The following VSNL1 variants were observed in gnomAD, a reference collection of about 807,000 sequenced individuals.
The protein encoded by VSNL1 is visinin-like protein 1.
In VSNL1, 6 loss-of-function variants were observed where a neutral mutation model predicts 20.4. The observed-to-expected ratio is 0.29, with a 90% CI of 0.16 to 0.58. The LOEUF is 0.58. VSNL1 is among the 20% of genes least tolerant of loss of function. The pLI is 0.90. For missense variants in VSNL1, 100 were observed against 234.5 expected (o/e 0.43, Z 3.75); for synonymous variants, 93 against 86.4 (o/e 1.08, Z -0.42).
intron 2 of VSNL1, among the ~76,000 whole-genome samples, chr2:17,624,190 G>C (rs1159665958): frequency 1.3e-5 from 2 of 152,196 alleles, no homozygotes; most frequent in African/African-American, 2.4e-5. Flanking sequence ...GTTGATTTTG[G>C]CTGATCAATT....
chr2:17,655,703 T>C lies in VSNL1; in HGVS notation c.*309T>C, dbSNP rs912005595. 2 of 279,328 alleles carry C rather than the reference T, an allele frequency of 7.2e-6. No individual in the cohort carries two copies. Among genetic ancestry groups the C allele is most frequent in the African/African-American group, 2.2e-5 (1 of 45,490 alleles). The allele number at this position is 279,328 out of a possible 1,614,324, so 17.3% of individuals were successfully genotyped here. On this transcript the variant is annotated 3_prime_UTR_variant, in exon 4 of 4. Transcript: ENST00000295156. The surrounding 1 kb of genome is among the most constrained non-coding windows in gnomAD (Gnocchi z 5.2). Reference sequence around the variant, plus strand: ...GGCAGAAATGTGCTGCAAAGAGTTATATGACTTCTTGTTCATGTTTTGCTA... The same window carrying C: ...GGCAGAAATGTGCTGCAAAGAGTTACATGACTTCTTGTTCATGTTTTGCTA...
At chr2:17,598,575 A>G (rs562015015) in intron 2 of VSNL1, among the ~76,000 whole-genome samples, 28 of 152,354 alleles carry the variant, frequency 1.8e-4, no homozygotes, top group Admixed American at 1.5e-3. Flanking sequence ...ATTTTGAAAA[A>G]CACTAATCTA....
chr2:17,551,118 A>T (rs1330801607), intron 1 of VSNL1, among the ~76,000 whole-genome samples: 1 of 152,148 alleles, frequency 6.6e-6, no homozygotes, highest in Non-Finnish European at 1.5e-5. Flanking sequence ...CACACACCCC[A>T]GGATAATGGC....
chr2:17,586,473 G>C (rs1199918707), intron 1 of VSNL1, among the ~76,000 whole-genome samples: 1 of 152,128 alleles, frequency 6.6e-6, no homozygotes, highest in Non-Finnish European at 1.5e-5. Flanking sequence ...GCCTGATTTG[G>C]TCAGTATTTG....
intron 1 of VSNL1, among the ~76,000 whole-genome samples, chr2:17,565,911 AG>A (rs1663928693): frequency 6.6e-6 from 1 of 152,144 alleles, no homozygotes; most frequent in Non-Finnish European, 1.5e-5. Flanking sequence ...TGGTTTTATA[AG>A]GGTCTTCCTT....
At chr2:17,563,582 T>C (rs542243277) in intron 1 of VSNL1, among the ~76,000 whole-genome samples, 1 of 152,286 alleles carries the variant, frequency 6.6e-6, no homozygotes, top group Middle Eastern at 3.4e-3. Flanking sequence ...AATACAGTTT[T>C]AGCTGGGCGT....
chr2:17,554,993 G>C (rs1166538033), intron 1 of VSNL1, among the ~76,000 whole-genome samples: 1 of 151,408 alleles, frequency 6.6e-6, no homozygotes, highest in African/African-American at 2.4e-5. Context: ...TTAGCTCACT[G>C]TTCTCTTATT....
At chr2:17,652,869 ATTG>A (rs1243756352) in intron 3 of VSNL1, among the ~76,000 whole-genome samples, 2 of 151,806 alleles carry the variant, frequency 1.3e-5, no homozygotes, top group African/African-American at 4.8e-5. Flanking sequence ...TCCTCCTCCA[ATTG>A]TTGTCTCCTC....
intron 2 of VSNL1, among the ~76,000 whole-genome samples, chr2:17,631,903 C>T (rs1665640704): frequency 6.6e-6 from 1 of 152,112 alleles, no homozygotes; most frequent in Non-Finnish European, 1.5e-5. Context: ...TTGTTGTTTT[C>T]CGAGATGTAG....
At chr2:17,590,537 T>C (rs1664573962) in intron 1 of VSNL1, among the ~76,000 whole-genome samples, 1 of 152,146 alleles carries the variant, frequency 6.6e-6, no homozygotes, top group Non-Finnish European at 1.5e-5. Context: ...CTGACGAGTT[T>C]GGAGGGTAAA....
upstream of VSNL1, chr2:17,540,179 C>T (rs1289137278): frequency 6.6e-6 from 1 of 152,336 alleles, no homozygotes; most frequent in African/African-American, 2.4e-5. Flanking sequence ...CTTCAGTAAG[C>T]CAGGTAGACG....
chr2:17,552,873 A>G (rs1371421107), intron 1 of VSNL1, among the ~76,000 whole-genome samples: 1 of 152,228 alleles, frequency 6.6e-6, no homozygotes, highest in Non-Finnish European at 1.5e-5. Context: ...TGGATTAAAG[A>G]GATGTGGCTT....
chr2:17,596,214 C>T (rs1319044558), intron 2 of VSNL1, among the ~76,000 whole-genome samples: 1 of 152,172 alleles, frequency 6.6e-6, no homozygotes, highest in Non-Finnish European at 1.5e-5. Flanking sequence ...GTCTGGAACT[C>T]CCTGGACACG....
chr2:17,655,413 G>T lies in VSNL1; in HGVS notation c.*19G>T. On this transcript the variant is annotated 3_prime_UTR_variant, in exon 4 of 4. Transcript: ENST00000295156. The surrounding 1 kb of genome is among the most constrained non-coding windows in gnomAD (Gnocchi z 5.2). ...GAAATGAGCTGATGTCAATGCTATG[G>T]ACTGCACAAAAGTCTCAATGTTCCA... 6.3e-7 allele frequency: 1 copy of T among 1,598,098 alleles called. No homozygotes were observed. Among genetic ancestry groups the T allele is most frequent in the South Asian group, 1.1e-5 (1 of 90,806 alleles).
chr2:17,564,596 C>G (rs749443101), intron 1 of VSNL1, among the ~76,000 whole-genome samples: 2 of 152,072 alleles, frequency 1.3e-5, no homozygotes, highest in Non-Finnish European at 2.9e-5. Context: ...ATTTTAGAAC[C>G]TCTAAAGATA....
At chr2:17,554,039 T>C (rs1273804157) in intron 1 of VSNL1, among the ~76,000 whole-genome samples, 2 of 152,194 alleles carry the variant, frequency 1.3e-5, no homozygotes, top group Non-Finnish European at 2.9e-5. Context: ...ATGGACACTT[T>C]ATGTAGAACA....
At chr2:17,654,570 C>A (rs748618201) in intron 3 of VSNL1, among the ~76,000 whole-genome samples, 7 of 152,204 alleles carry the variant, frequency 4.6e-5, no homozygotes, top group Non-Finnish European at 8.8e-5. Context: ...TTTCTAATCT[C>A]ACCATTGAGC....
At chr2:17,540,443 C>T (rs1663253912), upstream of VSNL1, among the ~76,000 whole-genome samples, 1 of 152,262 alleles carries the variant, frequency 6.6e-6, no homozygotes, top group South Asian at 2.1e-4. Flanking sequence ...ACTCCCTTTT[C>T]CTATATACTT....
chr2:17,577,324 T>A (rs965770218), intron 1 of VSNL1, among the ~76,000 whole-genome samples: 13 of 152,344 alleles, frequency 8.5e-5, no homozygotes, highest in African/African-American at 3.1e-4. Flanking sequence ...ATTCCAAATG[T>A]TAATGATTTT....
Sources: gnomAD v4.1 joint callset for allele counts (sites outside exome capture counted in the v4.1 genomes callset) on GRCh38, gnomAD v4.1.1 for gene constraint, Gnocchi (gnomAD v3.1) non-coding constraint, MANE v1.5 for transcripts, NCBI Gene and HGNC (gene_info 2026-07-23, HGNC 2026-07-21) for gene names.